FGF14: variants seen among roughly 807,000 people sequenced by gnomAD.
The protein encoded by FGF14 is fibroblast growth factor 14, also known as fibroblast growth factor homologous factor 4.
FGF14 carries 5 observed loss-of-function variants against 25.5 expected under a neutral mutation model. The observed-to-expected ratio is 0.20, with a 90% CI of 0.10 to 0.41. The LOEUF (loss-of-function observed/expected upper bound fraction) is 0.41, where lower values mean the gene tolerates loss of function less well. Ranked by LOEUF, FGF14 falls within the 10% of genes least tolerant of loss-of-function variation. The pLI is 1.00. For synonymous variants in FGF14, 138 were observed against 118.3 expected (o/e 1.17, Z -1.08); for missense variants, 222 against 320.1 (o/e 0.69, Z 2.34).
intron 1 of FGF14, among the ~76,000 whole-genome samples, chr13:102,166,207 A>C (rs1257089190): frequency 6.6e-6 from 1 of 151,778 alleles, no homozygotes; most frequent in African/African-American, 2.4e-5. Flanking sequence ...AGAAAAAAGA[A>C]AGAATACAGT....
chr13:102,365,331 AGATCT>A (rs979697839), intron 1 of FGF14, among the ~76,000 whole-genome samples: 34 of 152,246 alleles, frequency 2.2e-4, no homozygotes, highest in African/African-American at 7.9e-4. Flanking sequence ...GGAAATGGAA[AGATCT>A]GAAGTCAACA....
intron 1 of FGF14, among the ~76,000 whole-genome samples, chr13:102,036,097 G>C (rs1422085148): frequency 1.3e-5 from 2 of 152,042 alleles, no homozygotes; most frequent in African/African-American, 2.4e-5. Flanking sequence ...CATTATCCCA[G>C]GTATTTCAGA....
At chr13:101,788,907 TATAGAGAG>T (rs1253074869) in intron 3 of FGF14, among the ~76,000 whole-genome samples, 247 of 32,290 alleles carry the variant, frequency 7.6e-3, no homozygotes, top group East Asian at 1.0e-2. Flanking sequence ...TATATATATA[TATAGAGAG>T]AGAGAGAGAG....
At chr13:102,334,744 T>G (rs2056741628) in intron 1 of FGF14, among the ~76,000 whole-genome samples, 1 of 152,168 alleles carries the variant, frequency 6.6e-6, no homozygotes, top group Non-Finnish European at 1.5e-5. Flanking sequence ...TGTTTTGAAT[T>G]TTTGCTTTTT....
intron 1 of FGF14, among the ~76,000 whole-genome samples, chr13:102,151,045 T>C (rs994713922): frequency 2.6e-5 from 4 of 152,176 alleles, no homozygotes; most frequent in African/African-American, 9.7e-5. Context: ...CACTTTTGCA[T>C]TTTAACAGTT....
chr13:102,352,476 C>G (rs1594925891), intron 1 of FGF14, among the ~76,000 whole-genome samples: 2 of 152,138 alleles, frequency 1.3e-5, no homozygotes, highest in East Asian at 3.9e-4. Flanking sequence ...ACAAGTCCAT[C>G]ATTAGCCATC....
intron 1 of FGF14, among the ~76,000 whole-genome samples, chr13:101,984,190 G>A (rs149689217): frequency 1.3e-3 from 196 of 152,096 alleles, no homozygotes; most frequent in African/African-American, 4.5e-3. Flanking sequence ...ATATATTGAC[G>A]TCAGAAAAGG....
chr13:102,313,343 G>A (rs2055866135), intron 1 of FGF14, among the ~76,000 whole-genome samples: 1 of 152,168 alleles, frequency 6.6e-6, no homozygotes, highest in Non-Finnish European at 1.5e-5. Flanking sequence ...AACAGAAGTG[G>A]AGAACTCAGA....
At chr13:102,036,579 C>T (rs78061507) in intron 1 of FGF14, among the ~76,000 whole-genome samples, 2,013 of 151,898 alleles carry the variant, frequency 0.013, 48 homozygotes, top group African/African-American at 0.047. Flanking sequence ...TGATGCTATA[C>T]CATAAGTTAC....
intron 1 of FGF14, among the ~76,000 whole-genome samples, chr13:102,317,999 G>C (rs2138733728): frequency 6.6e-6 from 1 of 152,264 alleles, no homozygotes; most frequent in African/African-American, 2.4e-5. Flanking sequence ...AGTCATGCTT[G>C]ATTTTTAATT....
intron 2 of FGF14, 26 bp downstream of exon 2, chr13:101,875,160 A>T: frequency 6.9e-7 from 1 of 1,458,046 alleles, no homozygotes; most frequent in African/African-American, 1.4e-5. Context: ...CAACTATGTA[A>T]CTGGTGGCCT....
At chr13:102,044,156 C>A (rs895163314) in intron 1 of FGF14, among the ~76,000 whole-genome samples, 1 of 152,174 alleles carries the variant, frequency 6.6e-6, no homozygotes, top group Admixed American at 6.5e-5. Context: ...GGGGTCAAGA[C>A]CCGGTTGGCC....
chr13:102,203,659 A>T (rs1191965832), intron 1 of FGF14, among the ~76,000 whole-genome samples: 1 of 152,216 alleles, frequency 6.6e-6, no homozygotes, highest in Non-Finnish European at 1.5e-5. Flanking sequence ...GAAAAATAAA[A>T]TTTTATTGAA....
intron 1 of FGF14, among the ~76,000 whole-genome samples, chr13:102,375,047 A>T (rs758052426): frequency 1.3e-5 from 2 of 152,130 alleles, no homozygotes; most frequent in African/African-American, 2.4e-5. Context: ...GAGTTCAAAA[A>T]GGCAGAGTAA....
At chr13:101,758,662 G>T (rs1008618428) in intron 3 of FGF14, among the ~76,000 whole-genome samples, 2 of 152,096 alleles carry the variant, frequency 1.3e-5, no homozygotes, top group Non-Finnish European at 2.9e-5. Context: ...CTTATTTCTT[G>T]ACCTAACTTT....
At chr13:102,051,421 T>C (rs547595091) in intron 1 of FGF14, among the ~76,000 whole-genome samples, 2 of 152,100 alleles carry the variant, frequency 1.3e-5, no homozygotes, top group Non-Finnish European at 2.9e-5. Context: ...ACTTCAGGCC[T>C]CAGATCCACA....
rs143746132 is a variant in FGF14 at position 101,819,398 on chromosome 13, G to T, written c.408+49327C>A. 8.4e-3 allele frequency among the ~76,000 whole-genome samples: 1,282 copies of T among 152,256 alleles called. 9 individuals are homozygous for T. Among genetic ancestry groups the T allele is most frequent in the Non-Finnish European group, 0.014 (975 of 68,016 alleles). ...TAATCCAGAGATCCTGTGATAACCC[G>T]GTTAGCAGTGGGGAATCTTGCCCCA... On this transcript the variant is annotated intron_variant, in intron 3 of 4. Transcript: ENST00000376143.
At chr13:102,349,071 T>C (rs1393406966) in intron 1 of FGF14, among the ~76,000 whole-genome samples, 1 of 152,108 alleles carries the variant, frequency 6.6e-6, no homozygotes, top group Non-Finnish European at 1.5e-5. Context: ...GGGGTAATGA[T>C]ACTAGCACCT....
At chr13:102,308,708 CA>C (rs1468966598) in intron 1 of FGF14, among the ~76,000 whole-genome samples, 1 of 152,036 alleles carries the variant, frequency 6.6e-6, no homozygotes, top group African/African-American at 2.4e-5. Context: ...TACAATATAT[CA>C]AATATCTTCT....
Sources: gnomAD v4.1 joint callset for allele counts (sites outside exome capture counted in the v4.1 genomes callset) on GRCh38, gnomAD v4.1.1 for gene constraint, MANE v1.5 for transcripts, NCBI Gene and HGNC (gene_info 2026-07-23, HGNC 2026-07-21) for gene names.